Variants in TICAM1 observed in about 807,000 individuals in gnomAD.
The protein encoded by TICAM1 is TIR domain containing adaptor molecule 1.
For missense variants in TICAM1, 895 were observed against 938.2 expected (o/e 0.95, Z 0.60); for synonymous variants, 439 against 415.4 (o/e 1.06, Z -0.69).
chr19:4,828,424 C>T (rs764122721), intron 1 of TICAM1, among the ~76,000 whole-genome samples: 21 of 151,538 alleles, frequency 1.4e-4, no homozygotes, highest in Admixed American at 2.0e-4. Flanking sequence ...TTTGTAGGGA[C>T]GGGGTCTGGA....
At chr19:4,825,923 C>T (rs1443818496) in intron 1 of TICAM1, among the ~76,000 whole-genome samples, 1 of 151,850 alleles carries the variant, frequency 6.6e-6, no homozygotes, top group Non-Finnish European at 1.5e-5. Context: ...CACACCATTG[C>T]ACTCCAGCCT....
chr19:4,830,075 C>A (rs1161422378), intron 1 of TICAM1, among the ~76,000 whole-genome samples: 2 of 103,190 alleles, frequency 1.9e-5, no homozygotes, highest in Non-Finnish European at 3.9e-5. Flanking sequence ...CAGGCGTGAG[C>A]CACCTGCCCA....
rs1490986994 is a variant in TICAM1 at position 4,815,949 on chromosome 19, T to C, written c.*290A>G. The C allele has an allele frequency of 3.4e-6, 1 of 295,830 alleles. No individual in the cohort carries two copies. Among genetic ancestry groups the C allele is most frequent in the Non-Finnish European group, 6.1e-6 (1 of 162,934 alleles). 18.3% of individuals were successfully genotyped at this position (295,830 alleles called of 1,614,324 possible). On this transcript the variant is annotated 3_prime_UTR_variant, in exon 2 of 2. Transcript: ENST00000248244. ...GCTGCGGAAGCATTCAATAAATATT[T>C]ATTATAATTAAAAGACCGTAGCAAT...
Position 4,818,298 on chromosome 19 carries a change from T to G in TICAM1, c.80A>C (p.Lys27Thr), listed in dbSNP as rs1406783378. ...AAGQDKLLYLKHKLKTPRPGC... is the reference protein window; with the variant it reads ...AAGQDKLLYLTHKLKTPRPGC... Reference sequence around the variant, plus strand: ...TGGGCGTGGGGTCTTCAGTTTGTGCTTCAGATACAAGAGCTTGTCCTGGCC... The same window carrying G: ...TGGGCGTGGGGTCTTCAGTTTGTGCGTCAGATACAAGAGCTTGTCCTGGCC... The change falls in exon 2 of 2, where the codon AAG becomes ACG. Residue 27 changes from lysine to threonine, a missense_variant. Lys to Thr is a moderately conservative substitution (Grantham distance 78). Coordinates refer to ENST00000248244, the MANE Select transcript of TICAM1 (RefSeq NM_182919.4). The surrounding 1 kb of genome is among the most constrained non-coding windows in gnomAD (Gnocchi z 4.0). The G allele has an allele frequency of 3.7e-6, 6 of 1,612,740 alleles. No homozygotes were observed. The highest frequency in any genetic ancestry group is 5.1e-6 in the Non-Finnish European group (6 of 1,180,000).
At chr19:4,830,237 G>A (rs1245072832) in intron 1 of TICAM1, among the ~76,000 whole-genome samples, 3 of 151,640 alleles carry the variant, frequency 2.0e-5, no homozygotes, top group Admixed American at 6.6e-5. Context: ...ACAGGTGTGC[G>A]GCACCACACC....
chr19:4,825,627 A>T (rs1326258023), intron 1 of TICAM1, among the ~76,000 whole-genome samples: 1 of 151,880 alleles, frequency 6.6e-6, no homozygotes, highest in Non-Finnish European at 1.5e-5. Context: ...CAAGAGTTCG[A>T]GACCAGCCTG....
Position 4,818,802 on chromosome 19 carries a change from T to A in TICAM1, c.-139-286A>T, listed in dbSNP as rs1361507545. Among the ~76,000 whole-genome samples, 1 of 152,036 alleles carries A rather than the reference T, an allele frequency of 6.6e-6. No individual in the cohort carries two copies. The highest frequency in any genetic ancestry group is 1.5e-5 in the Non-Finnish European group (1 of 68,012). ...CTGGGCAACACAGCCAGACTCCGTC[T>A]CCACTAAAAGTTTAAAAATTAGCTG... On this transcript the variant is annotated intron_variant, in intron 1 of 1. Transcript: ENST00000248244. This position sits in a 1 kb window ranked among gnomAD's most constrained non-coding sequence, Gnocchi z 4.0.
At position 4,818,086 on chromosome 19, in the gene TICAM1, G is replaced by A. The variant is rs369953609; in HGVS notation, c.292C>T (p.Arg98Cys). The change falls in exon 2 of 2, where the codon CGC becomes TGC. Residue 98 changes from arginine (R) to cysteine (C), a missense_variant. Transcript: ENST00000248244. The surrounding 1 kb of genome is among the most constrained non-coding windows in gnomAD (Gnocchi z 4.0). ...EPPDVSWAVA[R>C]LYHLLAEEKL... Reference sequence around the variant, plus strand: ...TCCTCAGCCAGCAGGTGGTACAAGCGGGCCACAGCCCAGGACACATCTGGG... The same window carrying A: ...TCCTCAGCCAGCAGGTGGTACAAGCAGGCCACAGCCCAGGACACATCTGGG... The A allele has an allele frequency of 2.5e-5, 40 of 1,607,418 alleles. No individual in the cohort carries two copies. The highest frequency in any genetic ancestry group is 3.3e-5 in the South Asian group (3 of 91,086).
rs767771542 is a variant in TICAM1 at position 4,816,218 on chromosome 19, T to C, written c.*21A>G. 3.3e-6 allele frequency: 5 copies of C among 1,492,548 alleles called. No homozygotes were observed. The East Asian group carries it at 9.3e-5, about 28-fold the overall frequency. The allele number at this position is 1,492,548 out of a possible 1,614,324, so 92.5% of individuals were successfully genotyped here. A position where few individuals can be genotyped will look rare whatever the true frequency, so the allele number is the denominator to read the frequency against. The stretch of plus-strand genomic sequence containing the variant: ...CCTGGGTCCAGGGGTGTTCCCCAGG[T>C]GGTCAGGCAAGGACACGCGGTCATT... On this transcript the variant is annotated 3_prime_UTR_variant, in exon 2 of 2. Coordinates refer to ENST00000248244, the MANE Select transcript of TICAM1 (RefSeq NM_182919.4). This position sits in a 1 kb window ranked among gnomAD's most constrained non-coding sequence, Gnocchi z 4.3.
chr19:4,826,428 G>T (rs2093605530), intron 1 of TICAM1, among the ~76,000 whole-genome samples: 1 of 152,004 alleles, frequency 6.6e-6, no homozygotes, highest in African/African-American at 2.4e-5. Context: ...AGGTTCAAGC[G>T]ATTCTCTTGC....
At chr19:4,825,350 A>G (rs1298002069) in intron 1 of TICAM1, among the ~76,000 whole-genome samples, 2 of 152,098 alleles carry the variant, frequency 1.3e-5, no homozygotes, top group Non-Finnish European at 2.9e-5. Context: ...TAATCTGTAC[A>G]CCAAACCCTG....
intron 1 of TICAM1, among the ~76,000 whole-genome samples, chr19:4,819,255 C>T (rs1365325092): frequency 7.1e-6 from 1 of 139,926 alleles, no homozygotes; most frequent in Non-Finnish European, 1.5e-5. Flanking sequence ...GCCTGGGCAA[C>T]AGAGTGAGAC....
In TICAM1 at chr19:4,827,076, C is replaced by T. The variant is rs866303913; in HGVS notation, c.-140+4538G>A. ...ATAAGAAAAAGGCCAGACGGCCGGG[C>T]GCAGTGGCTCACGCCTGTAATCCCA... On this transcript the variant is annotated intron_variant, in intron 1 of 1. Coordinates refer to ENST00000248244, the MANE Select transcript of TICAM1 (RefSeq NM_182919.4). Among the ~76,000 whole-genome samples, 34 of 151,764 alleles carry T rather than the reference C, an allele frequency of 2.2e-4. 1 individual carries two copies. Among genetic ancestry groups the T allele is most frequent in the African/African-American group, 5.3e-4 (22 of 41,362 alleles).
Position 4,817,602 on chromosome 19 carries a change from C to T in TICAM1, c.776G>A (p.Gly259Glu). 1 of 1,602,270 alleles carries T rather than the reference C, an allele frequency of 6.2e-7. No individual in the cohort carries two copies. Among genetic ancestry groups the T allele is most frequent in the East Asian group, 2.2e-5 (1 of 44,798 alleles). ...CAGCTCTGGTGGGCTGGCAATCTCC[C>T]CCGATGGCGGCCAGCTCATCTCCTC... Reference protein sequence around the residue: ...EPEEMSWPPSGEIASPPELPS... With the variant: ...EPEEMSWPPSEEIASPPELPS... Residue 259 changes from glycine (G) to glutamate (E), a missense_variant, in exon 2 of 2, where the codon GGG becomes GAG. Coordinates refer to ENST00000248244, the MANE Select transcript of TICAM1 (RefSeq NM_182919.4). This position sits in a 1 kb window ranked among gnomAD's most constrained non-coding sequence, Gnocchi z 4.7.
chr19:4,818,457 A>G lies in TICAM1; in HGVS notation c.-80T>C, dbSNP rs1195363617. The stretch of plus-strand genomic sequence containing the variant: ...TTCCACACTGCCCCCCGCCTTCTGC[A>G]CGCCCAGTGTCCCCTACCCATTCAC... On this transcript the variant is annotated 5_prime_UTR_variant, in exon 2 of 2. Transcript: ENST00000248244. This position sits in a 1 kb window ranked among gnomAD's most constrained non-coding sequence, Gnocchi z 4.0. 1 of 1,474,696 alleles carries G rather than the reference A, an allele frequency of 6.8e-7. No individual in the cohort carries two copies. Among genetic ancestry groups the G allele is most frequent in the Non-Finnish European group, 9.0e-7 (1 of 1,113,614 alleles). The allele number at this position is 1,474,696 out of a possible 1,614,324, so 91.4% of individuals were successfully genotyped here.
rs373671679 is a variant in TICAM1 at position 4,816,750 on chromosome 19, T to A, written c.1628A>T (p.Glu543Val). The change falls in exon 2 of 2, where the codon GAA (glutamate) becomes GTA (valine). Residue 543 changes from glutamate (E) to valine (V), a missense_variant. By Grantham distance (121) the Glu-to-Val change is moderately radical (BLOSUM62 -2). Transcript: ENST00000248244. This position sits in a 1 kb window ranked among gnomAD's most constrained non-coding sequence, Gnocchi z 4.3. ...TTCCCGCAGGGCTCGGGTGTCCTGT[T>A]CCTTCCTCCACATGGCCTTTCGGGC... ...LQARKAMWRK[E>V]QDTRALREQS... is the part of the protein sequence containing the mutation. 8.7e-6 allele frequency: 14 copies of A among 1,613,638 alleles called. No individual in the cohort carries two copies. The African/African-American group carries it at 1.1e-4, about 12-fold the overall frequency.
chr19:4,827,372 CAAAAAAAAAAA>C (rs57574607), intron 1 of TICAM1, among the ~76,000 whole-genome samples: 1,924 of 54,180 alleles, frequency 0.036, 64 homozygotes, highest in African/African-American at 0.12. Context: ...ACTCTGTCTC[CAAAAAAAAAAA>C]AAAAAAAAAA....
In TICAM1 at chr19:4,817,646, G is replaced by A. The variant is rs375880539; in HGVS notation, c.732C>T (p.Pro244=). The A allele has an allele frequency of 6.5e-5, 103 of 1,584,034 alleles. No homozygotes were observed. In the Admixed American group the frequency reaches 8.6e-4, roughly 13 times the overall value. The change falls in exon 2 of 2, where the codon CCC becomes CCT. Residue 244 remains proline (P), a synonymous_variant. Coordinates refer to ENST00000248244, the MANE Select transcript of TICAM1 (RefSeq NM_182919.4). The surrounding 1 kb of genome is among the most constrained non-coding windows in gnomAD (Gnocchi z 4.7). ...TCTCCTCAGGCTCCTGGCAGCCACC[G>A]GGGACAGGCTCGGGCACCAAGCTGG... ...PQASLVPEPV[P]GGCQEPEEMS...
intron 1 of TICAM1, among the ~76,000 whole-genome samples, chr19:4,821,499 G>T (rs2093597378): frequency 6.6e-6 from 1 of 152,062 alleles, no homozygotes; most frequent in South Asian, 2.1e-4. Flanking sequence ...CCTTTGCACT[G>T]GCTGTTCCCT....
Sources: allele counts gnomAD v4.1 joint callset (sites outside exome capture counted in the v4.1 genomes callset), GRCh38; gene constraint gnomAD v4.1.1; non-coding constraint Gnocchi (gnomAD v3.1); transcripts MANE v1.5; gene names NCBI Gene and HGNC (gene_info 2026-07-23, HGNC 2026-07-21).